Variants in ACSL4 observed in about 807,000 individuals in gnomAD.
ACSL4 encodes acyl-CoA synthetase long chain family member 4.
Under a neutral mutation model 49.1 loss-of-function variants are expected in ACSL4, and 9 were observed. That is an observed-to-expected ratio of 0.18 (90% CI 0.11 to 0.32). The LOEUF (loss-of-function observed/expected upper bound fraction) is 0.32, where lower values mean the gene tolerates loss of function less well. Among genes scored for constraint, ACSL4 ranks in the 10% least tolerant of loss-of-function variants. ACSL4 has a pLI of 1.00. For synonymous variants in ACSL4, 191 were observed against 170.3 expected, an observed-to-expected ratio of 1.12 and a Z score of -0.95; for missense variants, 333 against 493.7, an observed-to-expected ratio of 0.67 and a Z score of 3.08.
chrX:109,715,121 T>C (rs1927026560), intron 1 of ACSL4, among the ~76,000 whole-genome samples: 1 of 111,885 alleles, frequency 8.9e-6, no homozygotes, highest in Non-Finnish European at 1.9e-5. Flanking sequence ...TTTTGTTTTA[T>C]GTTTTTATAT....
At chrX:109,710,781 G>A (rs909057057) in intron 1 of ACSL4, among the ~76,000 whole-genome samples, 1 of 112,112 alleles carries the variant, frequency 8.9e-6, no homozygotes, top group Admixed American at 9.5e-5. Context: ...CACAATCATA[G>A]CTCACTGCTG....
intron 14 of ACSL4, 79 bp from the exon 15 acceptor site, chrX:109,659,590 ACAGAT>A (rs1458639202): frequency 1.3e-5 from 8 of 623,929 alleles, no homozygotes; most frequent in African/African-American, 4.5e-5. Flanking sequence ...ATAGTACAGT[ACAGAT>A]AATTCCAAAT....
chrX:109,681,986 A>G (rs1031831599), intron 4 of ACSL4, among the ~76,000 whole-genome samples: 8 of 112,152 alleles, frequency 7.1e-5, no homozygotes, highest in African/African-American at 1.9e-4. Flanking sequence ...CTTAGAAAGA[A>G]CTGAAAATTC....
intron 1 of ACSL4, among the ~76,000 whole-genome samples, chrX:109,730,903 T>G (rs1222948337): frequency 9.0e-6 from 1 of 111,647 alleles, no homozygotes; most frequent in Admixed American, 9.5e-5. Flanking sequence ...CCTGACCTCA[T>G]GATCCGCCGG....
intron 10 of ACSL4, among the ~76,000 whole-genome samples, chrX:109,668,737 T>C (rs945846898): frequency 1.1e-4 from 12 of 111,761 alleles, no homozygotes; most frequent in Non-Finnish European, 2.1e-4. Flanking sequence ...GAAATGACAT[T>C]TTTTAAGCTC....
At chrX:109,716,411 T>C (rs764016536) in intron 1 of ACSL4, among the ~76,000 whole-genome samples, 42 of 112,286 alleles carry the variant, frequency 3.7e-4, no homozygotes, top group Non-Finnish European at 7.5e-4. Context: ...CCTTCAAATA[T>C]TGGGGCAAGG....
At position 109,689,470 on chromosome X, in the gene ACSL4, T is replaced by TACA. The variant is rs1280438297; in HGVS notation, c.-12-6098_-12-6096dup. On this transcript the variant is annotated intron_variant, in intron 2 of 15. Coordinates refer to ENST00000672401, the MANE Select transcript of ACSL4 (RefSeq NM_001318510.2). ...CCAGAATATAAGCTGAAGTCCTTAC[T>TACA]ACAACCTACAAGACTATATAGTCTT... 1.1e-4 allele frequency among the ~76,000 whole-genome samples: 12 copies of TACA among 112,112 alleles called. No individual in the cohort carries two copies. In the East Asian group the frequency reaches 3.4e-3, roughly 31 times the overall value.
intron 8 of ACSL4, 75 bp downstream of exon 8, chrX:109,677,913 G>A: frequency 2.6e-6 from 3 of 1,172,734 alleles, no homozygotes; most frequent in East Asian, 3.0e-5. Flanking sequence ...AAAATATCTC[G>A]AGTCCTAGTA....
intron 14 of ACSL4, 144 bp from the exon 15 acceptor site, chrX:109,659,655 T>C (rs988293393): frequency 4.3e-5 from 19 of 445,915 alleles, no homozygotes; most frequent in African/African-American, 3.5e-4. Flanking sequence ...ATAAAACCCA[T>C]AGTACCAGCA....
intron 1 of ACSL4, among the ~76,000 whole-genome samples, chrX:109,712,883 T>C (rs751587862): frequency 9.0e-5 from 10 of 110,558 alleles, no homozygotes; most frequent in Non-Finnish European, 1.1e-4. Context: ...GGAGGATCGC[T>C]TGAGCCTGGG....
At chrX:109,648,255 C>A (rs1234095442) in intron 15 of ACSL4, among the ~76,000 whole-genome samples, 1 of 111,572 alleles carries the variant, frequency 9.0e-6, no homozygotes, top group South Asian at 3.8e-4. Context: ...CCTTGATGAA[C>A]ATTGATGCAA....
intron 2 of ACSL4, among the ~76,000 whole-genome samples, chrX:109,695,338 C>T (rs1291446650): frequency 1.1e-5 from 1 of 91,052 alleles, no homozygotes; most frequent in Non-Finnish European, 2.4e-5. Context: ...GAGCAAGACT[C>T]CATCTTGGGG....
chrX:109,707,097 G>A (rs1926406229), intron 1 of ACSL4, among the ~76,000 whole-genome samples: 1 of 112,017 alleles, frequency 8.9e-6, no homozygotes, highest in Non-Finnish European at 1.9e-5. Flanking sequence ...TTTCAGAAAG[G>A]AAAAATATAT....
chrX:109,658,535 T>G (rs1250652391), intron 15 of ACSL4, among the ~76,000 whole-genome samples: 1 of 112,057 alleles, frequency 8.9e-6, no homozygotes, highest in Non-Finnish European at 1.9e-5. Flanking sequence ...ACTACACAAC[T>G]TGGCCTCTGC....
chrX:109,683,486 T>G, intron 2 of ACSL4, 111 bp from the exon 3 acceptor site: 3 of 1,194,770 alleles, frequency 2.5e-6, no homozygotes, highest in Non-Finnish European at 3.4e-6. Context: ...TTAAGTTTCA[T>G]AGTGGAAAGG....
At chrX:109,717,846 AC>A (rs780639893) in intron 1 of ACSL4, among the ~76,000 whole-genome samples, 2 of 83,409 alleles carry the variant, frequency 2.4e-5, no homozygotes, top group African/African-American at 7.1e-5. Context: ...TTATGTATAC[AC>A]CTTTAATTTT....
chrX:109,650,355 T>G (rs1435611597), intron 15 of ACSL4, among the ~76,000 whole-genome samples: 13 of 108,954 alleles, frequency 1.2e-4, no homozygotes, highest in South Asian at 4.1e-4. Flanking sequence ...CCATAAAAAA[T>G]GATGAGTTCA....
chrX:109,645,337 ACTGCCTC>A (rs1934625204), intron 15 of ACSL4, among the ~76,000 whole-genome samples: 1 of 112,471 alleles, frequency 8.9e-6, no homozygotes, highest in East Asian at 2.8e-4. Flanking sequence ...GAATGGGCAG[ACTGCCTC>A]CTCAAGTGGG....
chrX:109,719,369 T>A (rs992261932), intron 1 of ACSL4, among the ~76,000 whole-genome samples: 1 of 111,632 alleles, frequency 9.0e-6, no homozygotes, highest in Non-Finnish European at 1.9e-5. Context: ...GTTATGCCTA[T>A]GGCAGCTTAA....
Sources: gnomAD v4.1 joint callset for allele counts (sites outside exome capture counted in the v4.1 genomes callset) on GRCh38, gnomAD v4.1.1 for gene constraint, MANE v1.5 for transcripts, NCBI Gene and HGNC (gene_info 2026-07-23, HGNC 2026-07-21) for gene names.